The following ORC4 variants were observed in gnomAD, a reference collection of about 807,000 sequenced individuals.
ORC4 encodes the protein origin recognition complex, subunit 4 homolog.
In ORC4, 55 loss-of-function variants were observed where a neutral mutation model predicts 63.9. That is an observed-to-expected ratio of 0.86 (90% CI 0.69 to 1.08). ORC4 has a LOEUF of 1.08. Among genes scored for constraint, ORC4 ranks in the 50% least tolerant of loss-of-function variants. The pLI is 0.00. For synonymous variants in ORC4, 150 were observed against 168.5 expected (o/e 0.89, Z 0.85); for missense variants, 511 against 504.4 (o/e 1.01, Z -0.13).
At chr2:147,954,809 T>C (rs1297808372) in intron 7 of ORC4, among the ~76,000 whole-genome samples, 1 of 152,106 alleles carries the variant, frequency 6.6e-6, no homozygotes, top group East Asian at 1.9e-4. Context: ...TTTGAGGTTG[T>C]GAAGAAAAAG....
At chr2:147,958,951 C>G in intron 4 of ORC4, 85 bp from the exon 5 acceptor site, 3 of 654,512 alleles carry the variant, frequency 4.6e-6, no homozygotes, top group Non-Finnish European at 8.3e-6. Flanking sequence ...GCAGTAAGAA[C>G]AGAATATAAA....
At chr2:147,947,975 A>G in intron 9 of ORC4, 76 bp downstream of exon 9, 1 of 1,142,874 alleles carries the variant, frequency 8.7e-7, no homozygotes, top group East Asian at 2.4e-5. Flanking sequence ...TTAATTTACT[A>G]ATTTCTAAAA....
intron 8 of ORC4, among the ~76,000 whole-genome samples, chr2:147,949,103 T>C (rs949566201): frequency 5.3e-5 from 8 of 149,678 alleles, no homozygotes; most frequent in South Asian, 2.1e-4. Context: ...CTCCAAGGTA[T>C]ACAACCAAGA....
chr2:147,985,257 C>T (rs745717378), intron 1 of ORC4, among the ~76,000 whole-genome samples: 2 of 152,018 alleles, frequency 1.3e-5, no homozygotes, highest in Admixed American at 6.6e-5. Flanking sequence ...AGTGCAGTGG[C>T]GCTATCTCGG....
At chr2:148,004,196 A>G (rs1692480685) in intron 1 of ORC4, among the ~76,000 whole-genome samples, 2 of 152,204 alleles carry the variant, frequency 1.3e-5, no homozygotes, top group Admixed American at 1.3e-4. Flanking sequence ...AAAGTAATTT[A>G]TAGATTCAAT....
chr2:147,949,097 A>T (rs1688814321), intron 8 of ORC4, among the ~76,000 whole-genome samples: 1 of 150,000 alleles, frequency 6.7e-6, no homozygotes, highest in Non-Finnish European at 1.5e-5. Context: ...GTTACACTCC[A>T]AGGTATACAA....
At chr2:147,995,557 T>C (rs1220030952) in intron 1 of ORC4, among the ~76,000 whole-genome samples, 2 of 152,288 alleles carry the variant, frequency 1.3e-5, no homozygotes, top group East Asian at 1.9e-4. Flanking sequence ...GGGTCCGCAC[T>C]GCCTTTATGA....
intron 2 of ORC4, among the ~76,000 whole-genome samples, chr2:147,974,807 TAAAAAAAA>T (rs35378474): frequency 8.3e-6 from 1 of 119,910 alleles, no homozygotes; most frequent in Non-Finnish European, 1.7e-5. Context: ...ATCTTTTCCT[TAAAAAAAA>T]AAAAAAAAAA....
chr2:147,994,984 T>C (rs1315882270), intron 1 of ORC4, among the ~76,000 whole-genome samples: 1 of 152,200 alleles, frequency 6.6e-6, no homozygotes, highest in Non-Finnish European at 1.5e-5. Flanking sequence ...TCTGTCTAGC[T>C]AGAGGACTGT....
intron 4 of ORC4, among the ~76,000 whole-genome samples, chr2:147,972,381 C>A (rs1433865123): frequency 1.3e-5 from 2 of 151,984 alleles, no homozygotes; most frequent in Non-Finnish European, 2.9e-5. Context: ...TGAGAGAACA[C>A]AATAAAAAGA....
In ORC4 at chr2:147,935,418, A is replaced by T; in HGVS notation, c.*92T>A. On this transcript the variant is annotated 3_prime_UTR_variant, in exon 14 of 14. Coordinates refer to ENST00000392857, the MANE Select transcript of ORC4 (RefSeq NM_181741.4). ...CTCACATAAATACAAGAATGTTTATAGAATGTTTAGCATATCATGTTAATG... is the reference window on the plus strand; with the variant it reads ...CTCACATAAATACAAGAATGTTTATTGAATGTTTAGCATATCATGTTAATG... 1.1e-6 allele frequency: 1 copy of T among 937,174 alleles called. No individual in the cohort carries two copies. The highest frequency in any genetic ancestry group is 1.7e-6 in the Non-Finnish European group (1 of 577,110). The allele number at this position is 937,174 out of a possible 1,614,324, so 58.1% of individuals were successfully genotyped here.
At position 147,986,790 on chromosome 2, in the gene ORC4, T is replaced by C. The variant is rs199628271; in HGVS notation, c.-17-10815A>G. Among the ~76,000 whole-genome samples the C allele has an allele frequency of 2.1e-3, 315 of 148,650 alleles. 2 individuals are homozygous for C. Among genetic ancestry groups the C allele is most frequent in the African/African-American group, 6.5e-3 (262 of 40,382 alleles). ...AATTTTATACAGACACACACACACA[T>C]ACACACACACACACACACACACACT... On this transcript the variant is annotated intron_variant, in intron 1 of 13. Transcript: ENST00000392857.
At chr2:147,990,741 T>C (rs909754890) in intron 1 of ORC4, among the ~76,000 whole-genome samples, 1 of 152,224 alleles carries the variant, frequency 6.6e-6, no homozygotes, top group Non-Finnish European at 1.5e-5. Context: ...CACAATTTAC[T>C]TAAGGACACA....
intron 2 of ORC4, among the ~76,000 whole-genome samples, chr2:147,975,381 T>G (rs936774749): frequency 1.3e-5 from 2 of 151,942 alleles, no homozygotes; most frequent in African/African-American, 4.8e-5. Context: ...ACATCATATA[T>G]AACAGTGACA....
intron 2 of ORC4, among the ~76,000 whole-genome samples, chr2:147,973,808 T>G (rs1690366859): frequency 6.6e-6 from 1 of 152,176 alleles, no homozygotes; most frequent in Non-Finnish European, 1.5e-5. Context: ...TAAGGGCCAT[T>G]GTAATGCATG....
chr2:148,012,222 T>C (rs1050645959), intron 1 of ORC4, among the ~76,000 whole-genome samples: 6 of 152,172 alleles, frequency 3.9e-5, no homozygotes, highest in African/African-American at 1.4e-4. Context: ...AACGCTATAG[T>C]AACCAAAATA....
At chr2:147,977,055 T>C (rs1337095690) in intron 1 of ORC4, among the ~76,000 whole-genome samples, 1 of 152,210 alleles carries the variant, frequency 6.6e-6, no homozygotes, top group Non-Finnish European at 1.5e-5. Flanking sequence ...GTATCAGGAA[T>C]TGTTACAAAT....
chr2:147,968,076 T>C (rs753809866), intron 4 of ORC4, among the ~76,000 whole-genome samples: 15 of 152,064 alleles, frequency 9.9e-5, no homozygotes, highest in Non-Finnish European at 1.9e-4. Context: ...TAAATGGTGC[T>C]GAGAAAACTG....
chr2:147,934,478 G>A lies in ORC4; in HGVS notation c.*1032C>T, dbSNP rs1687936976. ...GCCATACACATCTCATTACTTTTGG[G>A]AGTGCTTTTCCAGAAATCTCTGGTA... On this transcript the variant is annotated 3_prime_UTR_variant, in exon 14 of 14. Coordinates refer to ENST00000392857, the MANE Select transcript of ORC4 (RefSeq NM_181741.4). 1 of 152,022 alleles carries A rather than the reference G, an allele frequency of 6.6e-6. No individual in the cohort carries two copies. The allele number at this position is 152,022 out of a possible 1,614,324, so 9.4% of individuals were successfully genotyped here. A position where few individuals can be genotyped will look rare whatever the true frequency, so the allele number is the denominator to read the frequency against.
Sources: gnomAD v4.1 joint callset for allele counts (sites outside exome capture counted in the v4.1 genomes callset) on GRCh38, gnomAD v4.1.1 for gene constraint, MANE v1.5 for transcripts, NCBI Gene and HGNC (gene_info 2026-07-23, HGNC 2026-07-21) for gene names.